The following ZIM2 variants were observed in gnomAD, a reference collection of about 807,000 sequenced individuals.
ZIM2 encodes zinc finger imprinted 2.
Under a neutral mutation model 38.6 loss-of-function variants are expected in ZIM2, and 14 were observed. That is an observed-to-expected ratio of 0.36 (90% CI 0.24 to 0.57). The LOEUF (loss-of-function observed/expected upper bound fraction) is 0.57, where lower values mean the gene tolerates loss of function less well. Ranked by LOEUF, ZIM2 falls within the 20% of genes least tolerant of loss-of-function variation. ZIM2 has a pLI of 0.81. For synonymous variants in ZIM2, 247 were observed against 245.8 expected (o/e 1.00, Z -0.04); for missense variants, 680 against 695.1 (o/e 0.98, Z 0.24).
chr19:56,782,588 A>C, intron 10 of ZIM2: 1 of 340,230 alleles, frequency 2.9e-6, no homozygotes, highest in Non-Finnish European at 5.8e-6. Flanking sequence ...TATTGGGTAA[A>C]AATTAAGTAA....
At chr19:56,796,658 T>A (rs1348965374) in intron 9 of ZIM2, among the ~76,000 whole-genome samples, 1 of 152,030 alleles carries the variant, frequency 6.6e-6, no homozygotes, top group Non-Finnish European at 1.5e-5. Context: ...CCACTAAAGG[T>A]CCCCCAGGCA....
chr19:56,834,958 G>A (rs1162057331), intron 2 of ZIM2, among the ~76,000 whole-genome samples: 3 of 152,156 alleles, frequency 2.0e-5, no homozygotes, highest in Admixed American at 2.0e-4. Flanking sequence ...TGAACAAACA[G>A]ACAACCTCTA....
intron 9 of ZIM2, among the ~76,000 whole-genome samples, chr19:56,801,710 C>A (rs1053198864): frequency 6.6e-6 from 1 of 152,184 alleles, no homozygotes; most frequent in Non-Finnish European, 1.5e-5. Context: ...AGAGAAGAGA[C>A]AAACAATCCT....
At chr19:56,787,621 T>A (rs543393327) in intron 10 of ZIM2, among the ~76,000 whole-genome samples, 2 of 152,172 alleles carry the variant, frequency 1.3e-5, no homozygotes, top group African/African-American at 4.8e-5. Flanking sequence ...AGCCTCTTTT[T>A]CTATTGTTTG....
intron 12 of ZIM2, among the ~76,000 whole-genome samples, chr19:56,776,630 T>C (rs12459901): frequency 0.46 from 69,634 of 151,972 alleles, 16,035 homozygotes; most frequent in South Asian, 0.49. Flanking sequence ...ATCTACACTG[T>C]CAACCAATCC....
chr19:56,781,948 C>T lies in ZIM2; in HGVS notation c.739+5G>A. The T allele has an allele frequency of 1.2e-6, 2 of 1,612,664 alleles. No homozygotes were observed. Among genetic ancestry groups the T allele is most frequent in the Non-Finnish European group, 1.7e-6 (2 of 1,179,024 alleles). ...AACCAAGTCCTGTGGAGAAGGCATA[C>T]TTACCCAGGGAGACCAGGTTCCGGT... On this transcript the variant is annotated splice_donor_5th_base_variant and intron_variant, in intron 11 of 12. Transcript: ENST00000629319.
intron 9 of ZIM2, among the ~76,000 whole-genome samples, chr19:56,795,534 C>T (rs1000360340): frequency 6.6e-6 from 1 of 152,238 alleles, no homozygotes; most frequent in African/African-American, 2.4e-5. Flanking sequence ...AGCGCATGCG[C>T]CGTGGCTGGC....
At chr19:56,784,906 G>A (rs1039243635) in intron 10 of ZIM2, among the ~76,000 whole-genome samples, 2 of 152,154 alleles carry the variant, frequency 1.3e-5, no homozygotes, top group Non-Finnish European at 2.9e-5. Context: ...CATCTTTTGT[G>A]TTTTAAGTGA....
intron 9 of ZIM2, chr19:56,815,938 A>G (rs2059936621): frequency 5.6e-6 from 9 of 1,603,968 alleles, no homozygotes; most frequent in South Asian, 1.1e-5. Flanking sequence ...TAAGCTATGG[A>G]TAACAGACCT....
At chr19:56,801,914 G>A (rs1275677961) in intron 9 of ZIM2, among the ~76,000 whole-genome samples, 2 of 152,190 alleles carry the variant, frequency 1.3e-5, no homozygotes, top group Non-Finnish European at 2.9e-5. Context: ...TCAAGTGCCA[G>A]CTGGATAACT....
intron 7 of ZIM2, among the ~76,000 whole-genome samples, chr19:56,819,374 G>A (rs2060268103): frequency 6.6e-6 from 1 of 152,152 alleles, no homozygotes; most frequent in African/African-American, 2.4e-5. Flanking sequence ...TGTCTTAATG[G>A]ATATTTACCT....
intron 10 of ZIM2, among the ~76,000 whole-genome samples, chr19:56,783,793 G>A (rs561219287): frequency 6.6e-6 from 1 of 152,182 alleles, no homozygotes; most frequent in South Asian, 2.1e-4. Flanking sequence ...ATACACCTTT[G>A]TAACAAACCT....
At chr19:56,791,830 CT>C (rs1447450334) in intron 9 of ZIM2, among the ~76,000 whole-genome samples, 1 of 152,014 alleles carries the variant, frequency 6.6e-6, no homozygotes, top group Non-Finnish European at 1.5e-5. Flanking sequence ...AATCTAATAA[CT>C]TGAGTTTCTA....
chr19:56,787,358 C>G (rs1485551556), intron 10 of ZIM2, among the ~76,000 whole-genome samples: 1 of 152,098 alleles, frequency 6.6e-6, no homozygotes, highest in Non-Finnish European at 1.5e-5. Flanking sequence ...TCACTGCAAC[C>G]TCTGCCTCCC....
chr19:56,805,602 T>C (rs562934512), intron 9 of ZIM2, among the ~76,000 whole-genome samples: 36 of 152,174 alleles, frequency 2.4e-4, no homozygotes, highest in Non-Finnish European at 4.7e-4. Context: ...AGTGATGGCA[T>C]ATGGATCTCT....
chr19:56,781,751 G>C (rs1309906766), intron 11 of ZIM2, among the ~76,000 whole-genome samples: 1 of 152,174 alleles, frequency 6.6e-6, no homozygotes, highest in Admixed American at 6.5e-5. Flanking sequence ...ACAAGTGCCT[G>C]ACACATATGT....
chr19:56,815,215 T>C (rs777817439), intron 9 of ZIM2: 3 of 1,613,936 alleles, frequency 1.9e-6, no homozygotes, highest in Non-Finnish European at 2.5e-6. Flanking sequence ...ATGGGTCTCC[T>C]CGCTGTGGGT....
intron 5 of ZIM2, among the ~76,000 whole-genome samples, chr19:56,823,220 C>A (rs1266467545): frequency 6.6e-6 from 1 of 152,128 alleles, no homozygotes; most frequent in Admixed American, 6.5e-5. Context: ...ACAAAAAAAA[C>A]AAAACCCAAG....
At chr19:56,835,788 T>G (rs1213659016) in intron 2 of ZIM2, among the ~76,000 whole-genome samples, 1 of 151,676 alleles carries the variant, frequency 6.6e-6, no homozygotes, top group Non-Finnish European at 1.5e-5. Context: ...CCTGAAGGAG[T>G]AGCTGAGTAT....
Sources: gnomAD v4.1 joint callset for allele counts (sites outside exome capture counted in the v4.1 genomes callset) on GRCh38, gnomAD v4.1.1 for gene constraint, MANE v1.5 for transcripts, NCBI Gene and HGNC (gene_info 2026-07-23, HGNC 2026-07-21) for gene names.